TP63: variants seen among roughly 807,000 people sequenced by gnomAD.
TP63 encodes tumor protein p63.
Under a neutral mutation model 82.8 loss-of-function variants are expected in TP63, and 17 were observed. That is an observed-to-expected ratio of 0.21 (90% CI 0.14 to 0.31). The LOEUF (loss-of-function observed/expected upper bound fraction) is 0.31. Ranked by LOEUF, TP63 falls within the 10% of genes least tolerant of loss-of-function variation. The probability of loss-of-function intolerance (pLI) is 1.00; values close to 1 mark genes in which losing one functional copy is unlikely to be tolerated. For missense variants in TP63, 648 were observed against 895.3 expected, an observed-to-expected ratio of 0.72 and a Z score of 3.52; for synonymous variants, 330 against 321.7, an observed-to-expected ratio of 1.03 and a Z score of -0.28.
intron 3 of TP63, among the ~76,000 whole-genome samples, chr3:189,751,047 C>T (rs9820038): frequency 0.071 from 10,825 of 152,126 alleles, 575 homozygotes; most frequent in African/African-American, 0.14. Flanking sequence ...TCAGTTCCCA[C>T]CTATGAGTGA....
Position 189,832,622 on chromosome 3 carries a change from G to T in TP63, c.579+24096G>T, listed in dbSNP as rs190014535. Among the ~76,000 whole-genome samples the T allele has an allele frequency of 5.3e-5, 8 of 152,254 alleles. No homozygotes were observed. In the East Asian group the frequency reaches 1.5e-3, roughly 29 times the overall value. On this transcript the variant is annotated intron_variant, in intron 4 of 13. Coordinates refer to ENST00000264731, the MANE Select transcript of TP63 (RefSeq NM_003722.5). Reference sequence around the variant, plus strand: ...ATTATCTTGTGTGTATTATTATGCTGTCAGGAGTTGGCCACTGATGACCAA... The same window carrying T: ...ATTATCTTGTGTGTATTATTATGCTTTCAGGAGTTGGCCACTGATGACCAA...
intron 10 of TP63, among the ~76,000 whole-genome samples, chr3:189,884,403 A>G (rs528609223): frequency 6.6e-6 from 1 of 152,344 alleles, no homozygotes; most frequent in East Asian, 1.9e-4. Flanking sequence ...ACCTAGAAAA[A>G]ACAATAGGTG....
At chr3:189,621,605 G>A in the TP63 span, among the ~76,000 whole-genome samples, 9 of 151,690 alleles carry the variant, frequency 5.9e-5, no homozygotes, top group Non-Finnish European at 1.3e-4. Flanking sequence ...ACATAAATGT[G>A]CATATATGCA....
intron 13 of TP63, 143 bp downstream of exon 13, chr3:189,891,025 T>C: frequency 1.3e-6 from 1 of 741,142 alleles, no homozygotes; most frequent in Non-Finnish European, 2.3e-6. Flanking sequence ...AACCCATAAC[T>C]ATGTTAGAAA....
intron 4 of TP63, among the ~76,000 whole-genome samples, chr3:189,828,628 G>A (rs1711815283): frequency 6.6e-6 from 1 of 152,178 alleles, no homozygotes; most frequent in Non-Finnish European, 1.5e-5. Context: ...TCTCTGCCTT[G>A]CACTAGAAAT....
chr3:189,682,842 T>C (rs1265333230), intron 1 of TP63, among the ~76,000 whole-genome samples: 3 of 152,012 alleles, frequency 2.0e-5, no homozygotes, highest in Non-Finnish European at 4.4e-5. Context: ...AATTTACTTC[T>C]AGACTAGAAC....
intron 1 of TP63, among the ~76,000 whole-genome samples, chr3:189,700,856 A>T (rs1375442952): frequency 6.6e-6 from 1 of 152,122 alleles, no homozygotes; most frequent in African/African-American, 2.4e-5. Context: ...TTGGGATGGG[A>T]TGGTAATAAT....
intron 10 of TP63, chr3:189,880,128 G>T: frequency 6.2e-7 from 1 of 1,613,838 alleles, no homozygotes; most frequent in Middle Eastern, 1.6e-4. Flanking sequence ...AAAACAATCT[G>T]ACGTCTTCTT....
intron 4 of TP63, among the ~76,000 whole-genome samples, chr3:189,862,360 C>T (rs1212185853): frequency 4.6e-5 from 7 of 151,900 alleles, no homozygotes; most frequent in Non-Finnish European, 1.0e-4. Context: ...CCCCCATCCC[C>T]GAGAATGAAC....
At chr3:189,881,003 C>T in intron 10 of TP63, 2 of 985,318 alleles carry the variant, frequency 2.0e-6, no homozygotes, top group Non-Finnish European at 2.4e-6. Context: ...ACAAATCCAC[C>T]CCAGTAATAT....
intron 1 of TP63, among the ~76,000 whole-genome samples, chr3:189,708,736 A>G (rs970385822): frequency 2.6e-5 from 4 of 152,218 alleles, no homozygotes; most frequent in Non-Finnish European, 5.9e-5. Context: ...ACTATCCACT[A>G]TTCTACTAGA....
intron 1 of TP63, among the ~76,000 whole-genome samples, chr3:189,667,506 C>T (rs73889796): frequency 0.023 from 3,471 of 152,106 alleles, 139 homozygotes; most frequent in African/African-American, 0.079. Flanking sequence ...TGGACTAGGG[C>T]ACCAGAGAGC....
intron 4 of TP63, among the ~76,000 whole-genome samples, chr3:189,836,591 A>G (rs138606191): frequency 1.8e-3 from 267 of 152,298 alleles, no homozygotes; most frequent in African/African-American, 6.1e-3. Context: ...GGTTTTGGTA[A>G]TGTCTCTTTT....
At chr3:189,847,876 G>A (rs889572917) in intron 4 of TP63, among the ~76,000 whole-genome samples, 1 of 152,142 alleles carries the variant, frequency 6.6e-6, no homozygotes, top group Non-Finnish European at 1.5e-5. Context: ...TAAGAATTTG[G>A]TGATCATATT....
chr3:189,638,382 A>G (rs1429302837), intron 1 of TP63, among the ~76,000 whole-genome samples: 1 of 152,138 alleles, frequency 6.6e-6, no homozygotes, highest in Non-Finnish European at 1.5e-5. Flanking sequence ...CTTGTATAGA[A>G]ATAATACAAG....
At chr3:189,746,327 A>T (rs1721374457) in intron 3 of TP63, among the ~76,000 whole-genome samples, 1 of 152,072 alleles carries the variant, frequency 6.6e-6, no homozygotes, top group Admixed American at 6.6e-5. Context: ...GTTATCCTTC[A>T]TTAATGAAGA....
At chr3:189,825,416 C>T (rs907194801) in intron 4 of TP63, among the ~76,000 whole-genome samples, 13 of 152,100 alleles carry the variant, frequency 8.5e-5, no homozygotes, top group Non-Finnish European at 1.3e-4. Flanking sequence ...GTGAGTCTAC[C>T]GATTAATCCA....
intron 1 of TP63, among the ~76,000 whole-genome samples, chr3:189,728,563 G>A (rs1253816731): frequency 2.0e-5 from 3 of 152,304 alleles, no homozygotes; most frequent in South Asian, 2.1e-4. Context: ...ACAACCTGTA[G>A]GATACAGCTG....
At chr3:189,614,534 A>G in the TP63 span, among the ~76,000 whole-genome samples, 2 of 152,222 alleles carry the variant, frequency 1.3e-5, no homozygotes, top group African/African-American at 4.8e-5. Flanking sequence ...TAATAGGACT[A>G]AGTGGGAACT....
Sources: gnomAD v4.1 joint callset for allele counts (sites outside exome capture counted in the v4.1 genomes callset) on GRCh38, gnomAD v4.1.1 for gene constraint, MANE v1.5 for transcripts, NCBI Gene and HGNC (gene_info 2026-07-23, HGNC 2026-07-21) for gene names.